VAV2: variants seen among roughly 807,000 people sequenced by gnomAD.
The protein encoded by VAV2 is guanine nucleotide exchange factor VAV2.
In VAV2, 67 loss-of-function variants were observed where a neutral mutation model predicts 132.5. That is an observed-to-expected ratio of 0.51 (90% CI 0.42 to 0.62). VAV2 has a LOEUF of 0.62. VAV2 is among the 20% of genes least tolerant of loss of function. The pLI, the probability that VAV2 is intolerant of heterozygous loss-of-function variation, is 0.00. For synonymous variants in VAV2, 492 were observed against 443.5 expected, an observed-to-expected ratio of 1.11 and a Z score of -1.37; for missense variants, 938 against 1,153.6, an observed-to-expected ratio of 0.81 and a Z score of 2.71.
intron 3 of VAV2, among the ~76,000 whole-genome samples, chr9:133,858,818 G>A (rs191438781): frequency 2.0e-5 from 3 of 152,318 alleles, no homozygotes; most frequent in East Asian, 1.9e-4. Context: ...GCCCTGGCTC[G>A]TCACACCTCC....
Position 133,794,998 on chromosome 9 carries a change from C to T in VAV2, c.1101+670G>A, listed in dbSNP as rs1057373594. Among the ~76,000 whole-genome samples, 27 of 152,226 alleles carry T rather than the reference C, an allele frequency of 1.8e-4. No homozygotes were observed. Among genetic ancestry groups the T allele is most frequent in the Admixed American group, 1.3e-3 (20 of 15,290 alleles). ...GGAGGAGGGTGCACCTGAGCCAACACCCGGAGCCGGGGAAGTGCAGGGCAC... is the reference window on the plus strand; with the variant it reads ...GGAGGAGGGTGCACCTGAGCCAACATCCGGAGCCGGGGAAGTGCAGGGCAC... On this transcript the variant is annotated intron_variant, in intron 12 of 29. Coordinates refer to ENST00000371850, the MANE Select transcript of VAV2 (RefSeq NM_001134398.2). This position sits in a 1 kb window ranked among gnomAD's most constrained non-coding sequence, Gnocchi z 4.6.
At chr9:133,972,800 C>T (rs1325459623) in intron 1 of VAV2, among the ~76,000 whole-genome samples, 4 of 152,140 alleles carry the variant, frequency 2.6e-5, no homozygotes, top group African/African-American at 9.7e-5. Flanking sequence ...CCCCACTTTA[C>T]AGATGAGGCA....
chr9:133,945,952 G>T (rs1841342854), intron 1 of VAV2, among the ~76,000 whole-genome samples: 1 of 152,164 alleles, frequency 6.6e-6, no homozygotes, highest in Admixed American at 6.5e-5. Context: ...CTGTAAAATG[G>T]GCAAGGAGAA....
intron 2 of VAV2, among the ~76,000 whole-genome samples, chr9:133,891,869 G>T (rs1385004918): frequency 8.1e-6 from 1 of 123,980 alleles, no homozygotes; most frequent in Non-Finnish European, 1.7e-5. Context: ...GGATGGAGGG[G>T]AGGCATGGGG....
chr9:133,876,673 C>CGG (rs1838279402), intron 2 of VAV2, among the ~76,000 whole-genome samples: 1 of 152,104 alleles, frequency 6.6e-6, no homozygotes, highest in Admixed American at 6.6e-5. Context: ...GGCAGGACCG[C>CGG]GGGAGGGGGG....
In VAV2 at chr9:133,809,149, G is replaced by T; in HGVS notation, c.568-11C>A. Reference sequence around the variant, plus strand: ...AGTCATGCCCATTTTCTAGAGGAGGGAAGGGGGAGTCAGCAGGACCCCATG... The same window carrying T: ...AGTCATGCCCATTTTCTAGAGGAGGTAAGGGGGAGTCAGCAGGACCCCATG... On this transcript the variant is annotated splice_polypyrimidine_tract_variant and intron_variant, in intron 6 of 29. Transcript: ENST00000371850. The T allele has an allele frequency of 6.2e-7, 1 of 1,613,132 alleles. No individual in the cohort carries two copies.
At chr9:133,972,559 AG>A (rs1215374332) in intron 1 of VAV2, among the ~76,000 whole-genome samples, 23 of 152,214 alleles carry the variant, frequency 1.5e-4, no homozygotes, top group Non-Finnish European at 4.4e-5. Flanking sequence ...TGCAAGCCTG[AG>A]CCCCCCTGAG....
At chr9:133,851,876 AATGGATGGATGCATGG>A (rs1368374381) in intron 3 of VAV2, among the ~76,000 whole-genome samples, 2 of 134,132 alleles carry the variant, frequency 1.5e-5, no homozygotes, top group African/African-American at 5.9e-5. Context: ...TGGGTGAATA[AATGGATGGATGCATGG>A]ATGGATGGAT....
rs377647835 is a variant in VAV2, at chr9:133,769,459, G to A, written c.2392C>T (p.Leu798Phe). Residue 798 changes from leucine to phenylalanine, a missense_variant, in exon 28 of 30, where the codon CTC becomes TTC. Physicochemically the swap from Leu to Phe is conservative, Grantham distance 22 (BLOSUM62 0). Coordinates refer to ENST00000371850, the MANE Select transcript of VAV2 (RefSeq NM_001134398.2). This position sits in a 1 kb window ranked among gnomAD's most constrained non-coding sequence, Gnocchi z 8.1. ...GAGGGGCCCTGAGAAGCAAAGCTGA[G>A]GCCCTGAGGACTGAGAAAAGAAAAG... ...YNFSFLSPQG[L>F]SFASQGPSAP... The A allele has an allele frequency of 6.2e-7, 1 of 1,613,306 alleles. No individual in the cohort carries two copies. Among genetic ancestry groups the A allele is most frequent in the African/African-American group, 1.3e-5 (1 of 75,048 alleles).
At chr9:133,814,348 C>G (rs1835474078) in intron 4 of VAV2, among the ~76,000 whole-genome samples, 1 of 152,250 alleles carries the variant, frequency 6.6e-6, no homozygotes, top group Non-Finnish European at 1.5e-5. Flanking sequence ...AGGCAAGTGA[C>G]TGCAGGGGTT....
intron 2 of VAV2, among the ~76,000 whole-genome samples, chr9:133,905,916 T>G (rs148996995): frequency 1.2e-3 from 175 of 152,136 alleles, no homozygotes; most frequent in African/African-American, 4.0e-3. Context: ...GGTACACAAC[T>G]GTAATCCCAG....
intron 29 of VAV2, among the ~76,000 whole-genome samples, chr9:133,767,430 C>G (rs762522710): frequency 2.0e-5 from 3 of 152,194 alleles, no homozygotes; most frequent in African/African-American, 7.2e-5. Context: ...AATACTCAAA[C>G]TAGTTGTTCT....
At chr9:133,946,899 G>A (rs1841379428) in intron 1 of VAV2, among the ~76,000 whole-genome samples, 1 of 152,216 alleles carries the variant, frequency 6.6e-6, no homozygotes, top group South Asian at 2.1e-4. Flanking sequence ...CACGGAGACA[G>A]GAGCTGACGC....
intron 1 of VAV2, among the ~76,000 whole-genome samples, chr9:133,954,706 A>G (rs1841689212): frequency 6.6e-6 from 1 of 152,296 alleles, no homozygotes; most frequent in South Asian, 2.1e-4. Context: ...TGGGGTGCCC[A>G]TGCACATACA....
chr9:133,890,545 CTCCCCTTTGTCCATGAG>C (rs1838892926), intron 2 of VAV2, among the ~76,000 whole-genome samples: 2 of 152,156 alleles, frequency 1.3e-5, no homozygotes, highest in South Asian at 4.1e-4. Flanking sequence ...TAGAGTCCCT[CTCCCCTTTGTCCATGAG>C]AGGCAGATGC....
chr9:133,822,355 G>A (rs935901266), intron 4 of VAV2, among the ~76,000 whole-genome samples: 6 of 152,280 alleles, frequency 3.9e-5, no homozygotes, highest in Admixed American at 1.3e-4. Flanking sequence ...CCTGACCTCC[G>A]TCCACACCTC....
At chr9:133,806,303 G>A (rs1835140973) in intron 8 of VAV2, 122 bp from the exon 9 acceptor site, 2 of 836,038 alleles carry the variant, frequency 2.4e-6, no homozygotes, top group Non-Finnish European at 3.8e-6. Context: ...CCCGGGTGCT[G>A]GGCCTGCACC....
At chr9:133,979,927 T>C (rs1167072177) in intron 1 of VAV2, among the ~76,000 whole-genome samples, 2 of 152,216 alleles carry the variant, frequency 1.3e-5, no homozygotes, top group African/African-American at 4.8e-5. Context: ...GAAAGTGCCA[T>C]CTTCCTCTCT....
chr9:133,796,925 G>A, intron 10 of VAV2, among the ~76,000 whole-genome samples: 1 of 152,206 alleles, frequency 6.6e-6, no homozygotes, highest in South Asian at 2.1e-4. Context: ...TGGCCTCTGG[G>A]AGAAGCAAGG....
Sources: gnomAD v4.1 joint callset for allele counts (sites outside exome capture counted in the v4.1 genomes callset) on GRCh38, gnomAD v4.1.1 for gene constraint, Gnocchi (gnomAD v3.1) non-coding constraint, MANE v1.5 for transcripts, NCBI Gene and HGNC (gene_info 2026-07-23, HGNC 2026-07-21) for gene names.